CHAF1B: variants seen among roughly 807,000 people sequenced by gnomAD.
The protein encoded by CHAF1B is chromatin assembly factor 1 subunit B.
CHAF1B carries 10 observed loss-of-function variants against 60.7 expected under a neutral mutation model. The observed-to-expected ratio is 0.16, with a 90% CI of 0.10 to 0.28. CHAF1B has a LOEUF of 0.28. CHAF1B is among the 10% of genes least tolerant of loss of function. The pLI, the probability that CHAF1B is intolerant of heterozygous loss-of-function variation, is 1.00. For missense variants in CHAF1B, 558 were observed against 708.4 expected, an observed-to-expected ratio of 0.79 and a Z score of 2.41; for synonymous variants, 261 against 266.1, an observed-to-expected ratio of 0.98 and a Z score of 0.19.
At position 36,411,616 on chromosome 21, in the gene CHAF1B, C is replaced by T. The variant is rs2086278796; in HGVS notation, c.1061+12C>T. ...AGTGACATTTCATGGTGAGTGGCTG[C>T]TAATGAGGGAGAGTGAGTGAAGGAG... On this transcript the variant is annotated intron_variant, in intron 11 of 13. Transcript: ENST00000314103. The T allele has an allele frequency of 3.1e-6, 5 of 1,613,310 alleles. No individual in the cohort carries two copies. In the South Asian group the frequency reaches 5.5e-5, roughly 18 times the overall value.
At chr21:36,412,620 C>G (rs2086286791) in intron 11 of CHAF1B, 1 of 397,906 alleles carries the variant, frequency 2.5e-6, no homozygotes, top group African/African-American at 2.1e-5. Context: ...CCTTGGCCTC[C>G]CAAAGTGCTG....
intron 4 of CHAF1B, 92 bp from the exon 5 acceptor site, chr21:36,394,455 C>A: frequency 1.2e-6 from 1 of 813,340 alleles, no homozygotes. Flanking sequence ...GGCAGTCTGT[C>A]TACCTTGGCC....
At chr21:36,397,771 G>T (rs2086154182) in intron 6 of CHAF1B, 3 of 198,534 alleles carry the variant, frequency 1.5e-5, no homozygotes, top group Non-Finnish European at 2.0e-5. Flanking sequence ...ACCCAGGCAG[G>T]TGTTGTGGCG....
chr21:36,391,974 G>C (rs1205092319), intron 4 of CHAF1B, among the ~76,000 whole-genome samples: 2 of 143,388 alleles, frequency 1.4e-5, no homozygotes, highest in African/African-American at 5.3e-5. Context: ...TTCTCGGAGA[G>C]GGGGATTTGG....
At position 36,419,002 on chromosome 21, in the gene CHAF1B, A is replaced by AC. The variant is rs1270744384; in HGVS notation, c.*2638dup. 1 of 152,150 alleles carries AC rather than the reference A, an allele frequency of 6.6e-6. No individual in the cohort carries two copies. The highest frequency in any genetic ancestry group is 1.5e-5 in the Non-Finnish European group (1 of 68,030). 9.4% of individuals were successfully genotyped at this position (152,150 alleles called of 1,614,324 possible). ...TATAAATCAAAATTGGCAATAAAAG[A>AC]CCAAGTGAAGTCACTTCAGTGTCAT... On this transcript the variant is annotated 3_prime_UTR_variant, in exon 14 of 14. Transcript: ENST00000314103. The surrounding 1 kb of genome is among the most constrained non-coding windows in gnomAD (Gnocchi z 4.4).
At chr21:36,395,291 A>G (rs1402601842) in intron 5 of CHAF1B, among the ~76,000 whole-genome samples, 1 of 141,440 alleles carries the variant, frequency 7.1e-6, no homozygotes, top group Non-Finnish European at 1.5e-5. Context: ...CAGGTGATCC[A>G]CCCGCCTCGG....
At chr21:36,410,660 C>T (rs1056199193) in intron 10 of CHAF1B, among the ~76,000 whole-genome samples, 1 of 150,980 alleles carries the variant, frequency 6.6e-6, no homozygotes, top group Non-Finnish European at 1.5e-5. Flanking sequence ...CTCCATTTTT[C>T]CTCTTGCTGC....
At chr21:36,396,877 C>T (rs368042028) in intron 5 of CHAF1B, among the ~76,000 whole-genome samples, 4 of 152,156 alleles carry the variant, frequency 2.6e-5, no homozygotes, top group African/African-American at 4.8e-5. Flanking sequence ...CTTTAAAATG[C>T]AGACAGCTTC....
In CHAF1B at chr21:36,408,526, C is replaced by T. The variant is rs149682331; in HGVS notation, c.758-235C>T. Among the ~76,000 whole-genome samples, 231 of 152,250 alleles carry T rather than the reference C, an allele frequency of 1.5e-3. 1 individual carries two copies. The highest frequency in any genetic ancestry group is 3.6e-3 in the Admixed American group (55 of 15,278). The stretch of plus-strand genomic sequence containing the variant: ...TCGCCCAAGATCAGAACCAGGTCCC[C>T]GGGGATTGCCCACAGGTAGGTGGAG... On this transcript the variant is annotated intron_variant, in intron 8 of 13. Coordinates refer to ENST00000314103, the MANE Select transcript of CHAF1B (RefSeq NM_005441.3).
intron 9 of CHAF1B, among the ~76,000 whole-genome samples, chr21:36,409,158 A>ATT (rs1163222508): frequency 0.13 from 12,024 of 94,582 alleles, 930 homozygotes; most frequent in African/African-American, 0.2. Flanking sequence ...CCCGGCTTGT[A>ATT]TTTTTTTTTT....
At chr21:36,413,458 C>G in intron 12 of CHAF1B, 143 bp downstream of exon 12, 1 of 785,684 alleles carries the variant, frequency 1.3e-6, no homozygotes, top group East Asian at 2.7e-5. Context: ...ACTTCAAATC[C>G]GAGAGTGTCA....
At chr21:36,388,415 T>C in intron 3 of CHAF1B, among the ~76,000 whole-genome samples, 1 of 152,030 alleles carries the variant, frequency 6.6e-6, no homozygotes, top group Non-Finnish European at 1.5e-5. Context: ...TGTGTCTCTG[T>C]GTAATTAATT....
intron 8 of CHAF1B, among the ~76,000 whole-genome samples, chr21:36,404,247 T>C (rs1024419812): frequency 1.3e-5 from 2 of 150,924 alleles, no homozygotes; most frequent in South Asian, 4.2e-4. Context: ...ATTACAGGTG[T>C]GCGCCACCAC....
chr21:36,406,112 T>C lies in CHAF1B; in HGVS notation c.758-2649T>C, dbSNP rs74922437. ...CAGAATCCAGAAAAAGATCTCAGGA[T>C]ATAAGGCGATTTAATATATGACCTC... is the stretch of plus-strand genomic sequence containing the variant. On this transcript the variant is annotated intron_variant, in intron 8 of 13. Transcript: ENST00000314103. Among the ~76,000 whole-genome samples the C allele has an allele frequency of 5.2e-3, 799 of 152,262 alleles. 5 individuals carry two copies. Among genetic ancestry groups the C allele is most frequent in the African/African-American group, 0.018 (752 of 41,546 alleles).
At chr21:36,413,371 G>T in intron 12 of CHAF1B, 56 bp downstream of exon 12, 1 of 1,478,678 alleles carries the variant, frequency 6.8e-7, no homozygotes, top group South Asian at 1.3e-5. Flanking sequence ...AATGCAGACA[G>T]AACGCTCCCA....
chr21:36,411,549 T>C lies in CHAF1B; in HGVS notation c.1006T>C (p.Phe336Leu). Reference sequence around the variant, plus strand: ...GCTTCTGTATGACACCCAGCAGTCCTTCCCTTTTGGTTACGTGTCTAATAT... The same window carrying C: ...GCTTCTGTATGACACCCAGCAGTCCCTCCCTTTTGGTTACGTGTCTAATAT... ...SVLLYDTQQS[F>L]PFGYVSNIHY... The change falls in exon 11 of 14, where the codon TTC (phenylalanine) becomes CTC (leucine). Residue 336 changes from phenylalanine (F) to leucine (L), a missense_variant. By Grantham distance (22) the Phe-to-Leu change is conservative. Around this residue, in one of 2 missense-constraint regions of CHAF1B, gnomAD observed 325 missense variants for 493.5 expected, o/e 0.66. Transcript: ENST00000314103. 3 of 1,614,144 alleles carry C rather than the reference T, an allele frequency of 1.9e-6. No individual in the cohort carries two copies. The highest frequency in any genetic ancestry group is 2.7e-5 in the African/African-American group (2 of 75,030).
chr21:36,387,878 G>C (rs983542003), intron 3 of CHAF1B, 148 bp downstream of exon 3: 41 of 977,890 alleles, frequency 4.2e-5, no homozygotes, highest in Non-Finnish European at 6.1e-5. Context: ...GAGTGCAGTG[G>C]TGCAAACTCG....
At chr21:36,413,684 T>G (rs962299315) in intron 12 of CHAF1B, among the ~76,000 whole-genome samples, 1 of 152,180 alleles carries the variant, frequency 6.6e-6, no homozygotes, top group Non-Finnish European at 1.5e-5. Context: ...TGTCCTTCCC[T>G]TCTCTGGGGA....
At position 36,417,328 on chromosome 21, in the gene CHAF1B, A is replaced by G. The variant is rs550243275; in HGVS notation, c.*962A>G. 1.3e-5 allele frequency: 2 copies of G among 148,888 alleles called. No individual in the cohort carries two copies. The allele number at this position is 148,888 out of a possible 1,614,324, so 9.2% of individuals were successfully genotyped here. A position where few individuals can be genotyped will look rare whatever the true frequency, so the allele number is the denominator to read the frequency against. On this transcript the variant is annotated 3_prime_UTR_variant, in exon 14 of 14. Coordinates refer to ENST00000314103, the MANE Select transcript of CHAF1B (RefSeq NM_005441.3). ...CACACAAGTATGTGTGTATATATAT[A>G]TTTTTTTTCTTTTTTTTTTGAGATG...
Sources: gnomAD v4.1 joint callset for allele counts (sites outside exome capture counted in the v4.1 genomes callset) on GRCh38, gnomAD v4.1.1 for gene constraint, gnomAD v4.1.1 regional missense constraint, Gnocchi (gnomAD v3.1) non-coding constraint, MANE v1.5 for transcripts, NCBI Gene and HGNC (gene_info 2026-07-23, HGNC 2026-07-21) for gene names.